CACNA1D: variants seen among roughly 807,000 people sequenced by gnomAD.
CACNA1D encodes calcium voltage-gated channel subunit alpha1 D, also known as voltage-dependent L-type calcium channel subunit alpha-1D.
CACNA1D carries 55 observed loss-of-function variants against 257.1 expected under a neutral mutation model. The observed-to-expected ratio is 0.21, with a 90% CI of 0.17 to 0.27. The LOEUF (loss-of-function observed/expected upper bound fraction) is 0.27. Among genes scored for constraint, CACNA1D ranks in the 10% least tolerant of loss-of-function variants. The pLI is 1.00. For synonymous variants in CACNA1D, 980 were observed against 1,014.9 expected, an observed-to-expected ratio of 0.97 and a Z score of 0.65; for missense variants, 1,876 against 2,784.0, an observed-to-expected ratio of 0.67 and a Z score of 7.34.
chr3:53,576,139 AACCCACAGTGG>A lies in CACNA1D; in HGVS notation c.483+74420_483+74430del, dbSNP rs2093033800. On this transcript the variant is annotated intron_variant, in intron 3 of 47. Coordinates refer to ENST00000350061, the MANE Select transcript of CACNA1D (RefSeq NM_001128840.3). ...TGTCTTGGCCTCAGATAAGACACTT[AACCCACAGTGG>A]GAGCATGCTGCTGCTTTTCAACTGG... Among the ~76,000 whole-genome samples the A allele has an allele frequency of 2.0e-5, 3 of 152,136 alleles. No individual in the cohort carries two copies. The South Asian group carries it at 6.2e-4, about 32-fold the overall frequency.
chr3:53,531,794 C>A (rs1317651023), intron 3 of CACNA1D, among the ~76,000 whole-genome samples: 1 of 152,214 alleles, frequency 6.6e-6, no homozygotes, highest in Admixed American at 6.5e-5. Context: ...CAGACATGCC[C>A]ATGACAAGAT....
chr3:53,661,692 T>C (rs1395560135), intron 5 of CACNA1D, among the ~76,000 whole-genome samples: 2 of 152,210 alleles, frequency 1.3e-5, no homozygotes, highest in Non-Finnish European at 2.9e-5. Context: ...TGTGTGCGTG[T>C]GTGCGTGCGA....
At chr3:53,750,835 G>A (rs1440433427) in intron 27 of CACNA1D, among the ~76,000 whole-genome samples, 1 of 152,192 alleles carries the variant, frequency 6.6e-6, no homozygotes, top group Non-Finnish European at 1.5e-5. Flanking sequence ...GCGGGGGTAG[G>A]TCTAGGCTCT....
intron 21 of CACNA1D, 57 bp from the exon 22 acceptor site, chr3:53,742,954 A>T (rs2108827111): frequency 9.2e-7 from 1 of 1,089,932 alleles, no homozygotes; most frequent in Non-Finnish European, 1.4e-6. Context: ...CAAAGAGCCC[A>T]GGTTTCTTTT....
intron 12 of CACNA1D, 81 bp downstream of exon 12, chr3:53,722,555 C>G (rs1055596153): frequency 7.4e-7 from 1 of 1,358,186 alleles, no homozygotes; most frequent in Non-Finnish European, 1.1e-6. Flanking sequence ...CTTATCTGAT[C>G]GCTGCATGAT....
intron 3 of CACNA1D, among the ~76,000 whole-genome samples, chr3:53,573,744 A>T (rs551186598): frequency 1.1e-4 from 17 of 152,286 alleles, no homozygotes; most frequent in African/African-American, 3.4e-4. Flanking sequence ...CACTCTATAC[A>T]TGGTTGAATG....
chr3:53,780,646 T>A (rs2095420888), intron 38 of CACNA1D, among the ~76,000 whole-genome samples: 1 of 152,230 alleles, frequency 6.6e-6, no homozygotes, highest in Non-Finnish European at 1.5e-5. Flanking sequence ...TCTTCCCAGC[T>A]GAGAGACCAA....
chr3:53,552,683 T>G lies in CACNA1D; in HGVS notation c.483+50963T>G, dbSNP rs76431568. 8.6e-3 allele frequency among the ~76,000 whole-genome samples: 1,305 copies of G among 152,312 alleles called. 8 individuals carry two copies. The highest frequency in any genetic ancestry group is 0.015 in the Non-Finnish European group (1,018 of 68,020). ...GGACATTTCCCTTTCTTGTTTGATTTCTCCTGGTATCTTCTTTCTTTCTCT... is the reference window on the plus strand; with the variant it reads ...GGACATTTCCCTTTCTTGTTTGATTGCTCCTGGTATCTTCTTTCTTTCTCT... On this transcript the variant is annotated intron_variant, in intron 3 of 47. Transcript: ENST00000350061.
At chr3:53,574,111 G>A (rs1482604967) in intron 3 of CACNA1D, among the ~76,000 whole-genome samples, 2 of 152,154 alleles carry the variant, frequency 1.3e-5, no homozygotes, top group African/African-American at 2.4e-5. Flanking sequence ...CAGGGTGCTC[G>A]ATGCATGCAG....
chr3:53,665,563 T>A, intron 5 of CACNA1D, 97 bp from the exon 6 acceptor site: 1 of 908,180 alleles, frequency 1.1e-6, no homozygotes, highest in Non-Finnish European at 1.8e-6. Context: ...TTTATTACTA[T>A]GTGTTCTAAG....
intron 30 of CACNA1D, chr3:53,765,711 T>A (rs1003517639): frequency 1.3e-5 from 2 of 152,528 alleles, no homozygotes; most frequent in Admixed American, 1.3e-4. Context: ...ATGATCTGGC[T>A]GAGAAATGAT....
At chr3:53,510,770 T>C (rs956917920) in intron 3 of CACNA1D, among the ~76,000 whole-genome samples, 8 of 152,146 alleles carry the variant, frequency 5.3e-5, no homozygotes, top group African/African-American at 1.9e-4. Flanking sequence ...GGGGGTTGGG[T>C]CTGGCCTCTC....
chr3:53,598,244 A>G (rs2093395975), intron 3 of CACNA1D, among the ~76,000 whole-genome samples: 2 of 152,088 alleles, frequency 1.3e-5, no homozygotes, highest in Non-Finnish European at 2.9e-5. Context: ...TTCAGAGAAT[A>G]TTTTTGGGTT....
At chr3:53,555,456 GTGTGTTTT>G (rs1371138160) in intron 3 of CACNA1D, among the ~76,000 whole-genome samples, 4,651 of 115,712 alleles carry the variant, frequency 0.04, 144 homozygotes, top group African/African-American at 0.16. Context: ...GTGTGTGTGT[GTGTGTTTT>G]TTTTTTTTTT....
intron 3 of CACNA1D, among the ~76,000 whole-genome samples, chr3:53,521,942 TAGTG>T (rs1476717284): frequency 1.4e-5 from 2 of 143,684 alleles, no homozygotes; most frequent in Admixed American, 1.4e-4. Context: ...CTGGAAAACA[TAGTG>T]AGACCCCATC....
intron 3 of CACNA1D, among the ~76,000 whole-genome samples, chr3:53,634,685 C>T (rs1445164813): frequency 6.6e-6 from 1 of 152,200 alleles, no homozygotes; most frequent in Admixed American, 6.5e-5. Context: ...ACAACCACCA[C>T]ATTCAGTGAC....
Position 53,793,426 on chromosome 3 carries a change from C to G in CACNA1D, c.4923+6474C>G, listed in dbSNP as rs1001774388. Among the ~76,000 whole-genome samples the G allele has an allele frequency of 2.6e-5, 4 of 152,218 alleles. No individual in the cohort carries two copies. The highest frequency in any genetic ancestry group is 2.1e-4 in the South Asian group (1 of 4,834). The stretch of plus-strand genomic sequence containing the variant: ...GCTGAAGGATGGCACGTGCCTACCC[C>G]CTGTATGTGTCACTCTGTCTCAGAG... On this transcript the variant is annotated intron_variant, in intron 40 of 47. Transcript: ENST00000350061. This position sits in a 1 kb window ranked among gnomAD's most constrained non-coding sequence, Gnocchi z 4.1.
chr3:53,626,052 G>C (rs2093754778), intron 3 of CACNA1D, among the ~76,000 whole-genome samples: 1 of 152,200 alleles, frequency 6.6e-6, no homozygotes, highest in South Asian at 2.1e-4. Flanking sequence ...TTAGAAGCTG[G>C]AAACTGGCCA....
At chr3:53,735,273 C>A in intron 19 of CACNA1D, 101 bp from the exon 20 acceptor site, 1 of 1,104,292 alleles carries the variant, frequency 9.1e-7, no homozygotes, top group Non-Finnish European at 1.4e-6. Flanking sequence ...CAGACAGCTG[C>A]CCTCTGCCTG....
Sources: allele counts gnomAD v4.1 joint callset (sites outside exome capture counted in the v4.1 genomes callset), GRCh38; gene constraint gnomAD v4.1.1; non-coding constraint Gnocchi (gnomAD v3.1); transcripts MANE v1.5; gene names NCBI Gene and HGNC (gene_info 2026-07-23, HGNC 2026-07-21).